The following ENPP2 variants were observed in gnomAD, a reference collection of about 807,000 sequenced individuals.
ENPP2 encodes the protein autotaxin.
ENPP2 carries 51 observed loss-of-function variants against 120.2 expected under a neutral mutation model. That is an observed-to-expected ratio of 0.42 (90% CI 0.34 to 0.54). The LOEUF (loss-of-function observed/expected upper bound fraction) is 0.54. ENPP2 is among the 20% of genes least tolerant of loss of function. The pLI is 0.04. For missense variants in ENPP2, 920 were observed against 1,066.5 expected (o/e 0.86, Z 1.91); for synonymous variants, 365 against 366.4 (o/e 1.00, Z 0.04).
intron 13 of ENPP2, among the ~76,000 whole-genome samples, chr8:119,590,126 A>G (rs1369719235): frequency 1.3e-5 from 2 of 152,180 alleles, no homozygotes; most frequent in Admixed American, 1.3e-4. Flanking sequence ...ATCTATAAAA[A>G]TGATCAGCCT....
rs184298318 is a variant in ENPP2, at chr8:119,663,444, T to G, written c.21+9808A>C. On this transcript the variant is annotated intron_variant, in intron 1 of 25. Coordinates refer to the ENPP2 transcript ENST00000427067. ...GCATTTATCCTAAAAAAGTATACAT[T>G]GTTTATCTGAAACTGAAATTTAACT... 3.5e-4 allele frequency among the ~76,000 whole-genome samples: 54 copies of G among 152,362 alleles called. No individual in the cohort carries two copies. In the East Asian group the frequency reaches 8.1e-3, roughly 23 times the overall value.
chr8:119,647,833 C>T (rs6469839), intron 1 of ENPP2, among the ~76,000 whole-genome samples: 2,179 of 152,172 alleles, frequency 0.014, 50 homozygotes, highest in African/African-American at 0.048. Flanking sequence ...GGCAAAATCC[C>T]GTCTTTACTA....
At chr8:119,575,029 T>G (rs1234565374) in intron 19 of ENPP2, among the ~76,000 whole-genome samples, 4 of 152,208 alleles carry the variant, frequency 2.6e-5, no homozygotes, top group Non-Finnish European at 5.9e-5. Context: ...ATCTTCCATC[T>G]CCAACAATGC....
At chr8:119,602,116 T>C (rs1318391317) in intron 9 of ENPP2, among the ~76,000 whole-genome samples, 2 of 152,142 alleles carry the variant, frequency 1.3e-5, no homozygotes, top group Non-Finnish European at 2.9e-5. Context: ...TATAAAATAA[T>C]GGGTTAGGGA....
At chr8:119,563,836 AT>A (rs1040869961) in intron 23 of ENPP2, among the ~76,000 whole-genome samples, 1 of 151,986 alleles carries the variant, frequency 6.6e-6, no homozygotes, top group African/African-American at 2.4e-5. Context: ...TTTCTATCTT[AT>A]TTATCTGTAT....
intron 1 of ENPP2, among the ~76,000 whole-genome samples, chr8:119,672,137 G>A (rs946185227): frequency 6.6e-6 from 1 of 151,788 alleles, no homozygotes; most frequent in African/African-American, 2.4e-5. Context: ...CGGTAGTGAG[G>A]AGATGTCGGG....
intron 9 of ENPP2, among the ~76,000 whole-genome samples, chr8:119,604,958 A>G (rs1233552974): frequency 1.3e-5 from 2 of 151,804 alleles, no homozygotes; most frequent in Non-Finnish European, 2.9e-5. Context: ...TATTTTTAGT[A>G]GAGAGGGGGT....
At chr8:119,584,683 C>G (rs1812986395) in intron 15 of ENPP2, among the ~76,000 whole-genome samples, 1 of 152,148 alleles carries the variant, frequency 6.6e-6, no homozygotes. Context: ...GACAATATCT[C>G]TATTTAGAAA....
chr8:119,650,099 C>T (rs1817584529), intron 1 of ENPP2, among the ~76,000 whole-genome samples: 1 of 152,174 alleles, frequency 6.6e-6, no homozygotes, highest in African/African-American at 2.4e-5. Context: ...GCATTACCAA[C>T]TGATGAATGG....
At chr8:119,657,250 A>T (rs1246194843) in intron 1 of ENPP2, among the ~76,000 whole-genome samples, 1 of 152,190 alleles carries the variant, frequency 6.6e-6, no homozygotes, top group Non-Finnish European at 1.5e-5. Flanking sequence ...TGAGTGAAGA[A>T]ACCAAGACGC....
intron 9 of ENPP2, among the ~76,000 whole-genome samples, chr8:119,604,638 A>G (rs1814568311): frequency 6.6e-6 from 1 of 152,184 alleles, no homozygotes; most frequent in African/African-American, 2.4e-5. Flanking sequence ...AAGGAGAGCA[A>G]ATTATCTTAA....
chr8:119,596,755 T>C (rs745505067), intron 11 of ENPP2, among the ~76,000 whole-genome samples: 1 of 152,188 alleles, frequency 6.6e-6, no homozygotes, highest in Non-Finnish European at 1.5e-5. Flanking sequence ...TCTTGGTATA[T>C]ACAGACCAAG....
chr8:119,628,681 T>C (rs1045283570), intron 2 of ENPP2, among the ~76,000 whole-genome samples: 2 of 152,316 alleles, frequency 1.3e-5, no homozygotes, highest in South Asian at 2.1e-4. Context: ...TAGAGTGTTA[T>C]ATATTAGACT....
At chr8:119,600,627 C>A (rs745390344) in intron 11 of ENPP2, 51 bp downstream of exon 11, 14 of 1,085,406 alleles carry the variant, frequency 1.3e-5, no homozygotes, top group Non-Finnish European at 1.8e-5. Flanking sequence ...GTCAGTAGAT[C>A]AGGTAGCCCA....
intron 1 of ENPP2, among the ~76,000 whole-genome samples, chr8:119,658,059 G>A (rs1817817733): frequency 6.6e-6 from 1 of 152,216 alleles, no homozygotes; most frequent in South Asian, 2.1e-4. Context: ...GATGCTTGCA[G>A]AGGAAGTTTA....
At chr8:119,673,379 C>G (rs1235244151) in exon 1 of ENPP2, 50 of 1,263,728 alleles carry the variant, frequency 4.0e-5, no homozygotes, top group South Asian at 1.2e-4. Flanking sequence ...GCGGACTGCT[C>G]TTGTTTGCAC....
At chr8:119,645,678 G>A (rs957191979) in intron 1 of ENPP2, among the ~76,000 whole-genome samples, 7 of 151,928 alleles carry the variant, frequency 4.6e-5, no homozygotes, top group Non-Finnish European at 8.8e-5. Flanking sequence ...AGGCGGGCGT[G>A]GTGGCACATG....
intron 14 of ENPP2, among the ~76,000 whole-genome samples, chr8:119,586,562 G>A (rs373671856): frequency 1.3e-5 from 2 of 152,234 alleles, no homozygotes; most frequent in East Asian, 3.9e-4. Flanking sequence ...TTCCTGGCTT[G>A]TGAGACCATC....
intron 2 of ENPP2, among the ~76,000 whole-genome samples, chr8:119,634,508 T>A (rs570427290): frequency 6.6e-6 from 1 of 152,338 alleles, no homozygotes; most frequent in South Asian, 2.1e-4. Flanking sequence ...TATCATATAC[T>A]TAACACCTTA....
Sources: allele counts gnomAD v4.1 joint callset (sites outside exome capture counted in the v4.1 genomes callset), GRCh38; gene constraint gnomAD v4.1.1; transcripts MANE v1.5; gene names NCBI Gene and HGNC (gene_info 2026-07-23, HGNC 2026-07-21).